Variants in SEMA3D observed in about 807,000 individuals in gnomAD.
SEMA3D encodes semaphorin 3D, also known as semaphorin-3D.
Under a neutral mutation model 100.1 loss-of-function variants are expected in SEMA3D, and 84 were observed. The observed-to-expected ratio is 0.84, with a 90% confidence interval of 0.70 to 1.01. The LOEUF (loss-of-function observed/expected upper bound fraction) is 1.01. Among genes scored for constraint, SEMA3D ranks in the 50% least tolerant of loss-of-function variants. The pLI, the probability that SEMA3D is intolerant of heterozygous loss-of-function variation, is 0.00. For missense variants in SEMA3D, 875 were observed against 934.1 expected, an observed-to-expected ratio of 0.94 and a Z score of 0.82; for synonymous variants, 312 against 320.7, an observed-to-expected ratio of 0.97 and a Z score of 0.29.
intron 1 of SEMA3D, among the ~76,000 whole-genome samples, chr7:85,164,911 T>A (rs928429179): frequency 6.6e-6 from 1 of 152,088 alleles, no homozygotes; most frequent in Non-Finnish European, 1.5e-5. Context: ...AGAGCTGTAA[T>A]TTAGGCAGAA....
In SEMA3D at chr7:85,020,214, A is replaced by C; in HGVS notation, c.1503+19T>G. 6.5e-7 allele frequency: 1 copy of C among 1,546,302 alleles called. No homozygotes were observed. The highest frequency in any genetic ancestry group is 1.1e-5 in the South Asian group (1 of 89,588). On this transcript the variant is annotated intron_variant, in intron 14 of 18. Coordinates refer to ENST00000284136, the MANE Select transcript of SEMA3D (RefSeq NM_001384900.1). ...CAGTTTCAACATCTTTTCTCCTGGC[A>C]CTCTGGACTGAGTCTTACCTTGAAT...
Position 84,996,164 on chromosome 7 carries a change from CTT to C in SEMA3D, c.*3274_*3275del, listed in dbSNP as rs1185009976. ...AGAAAATCAGTATTTAATGAATGCT[CTT>C]ATTATTTTTTGGACAGCTGAATGAT... On this transcript the variant is annotated 3_prime_UTR_variant, in exon 19 of 19. Coordinates refer to ENST00000284136, the MANE Select transcript of SEMA3D (RefSeq NM_001384900.1). 1 of 151,762 alleles carries C rather than the reference CTT, an allele frequency of 6.6e-6. No individual in the cohort carries two copies. The highest frequency in any genetic ancestry group is 2.4e-5 in the African/African-American group (1 of 41,346). The allele number at this position is 151,762 out of a possible 1,614,324, so 9.4% of individuals were successfully genotyped here.
chr7:85,034,895 T>C (rs906824972), intron 12 of SEMA3D, among the ~76,000 whole-genome samples: 1 of 152,108 alleles, frequency 6.6e-6, no homozygotes, highest in Non-Finnish European at 1.5e-5. Flanking sequence ...ACTGCCACTA[T>C]GGAAAACAGT....
chr7:85,097,153 C>T (rs1285870207), intron 4 of SEMA3D, among the ~76,000 whole-genome samples: 1 of 151,772 alleles, frequency 6.6e-6, no homozygotes, highest in East Asian at 1.9e-4. Flanking sequence ...GCACCCTTTC[C>T]TCCGGGTTTC....
chr7:85,167,057 G>A (rs1406838168), intron 1 of SEMA3D, among the ~76,000 whole-genome samples: 1 of 151,872 alleles, frequency 6.6e-6, no homozygotes, highest in Non-Finnish European at 1.5e-5. Flanking sequence ...ATTGGCCTTA[G>A]AGAAATATCC....
At chr7:85,158,197 G>A (rs1471185498) in intron 1 of SEMA3D, among the ~76,000 whole-genome samples, 8 of 152,210 alleles carry the variant, frequency 5.3e-5, no homozygotes. Context: ...GAACAAGAGA[G>A]ATAACCTTAA....
intron 2 of SEMA3D, among the ~76,000 whole-genome samples, chr7:85,136,651 A>G (rs1259108301): frequency 6.6e-6 from 1 of 152,156 alleles, no homozygotes; most frequent in Non-Finnish European, 1.5e-5. Flanking sequence ...TATGCATTGA[A>G]AGGCATATTA....
In SEMA3D at chr7:85,186,821, G is replaced by C. The variant is rs926373382; in HGVS notation, c.-316C>G. On this transcript the variant is annotated 5_prime_UTR_variant, in exon 1 of 19. Coordinates refer to ENST00000284136, the MANE Select transcript of SEMA3D (RefSeq NM_001384900.1). ...GAGCCGCAGCCCTGGCTGAGCAAGC[G>C]GAGCCGCCGGCAGCCCTGGCAGAGC... 9.9e-5 allele frequency: 15 copies of C among 152,190 alleles called. No individual in the cohort carries two copies. Among genetic ancestry groups the C allele is most frequent in the Non-Finnish European group, 1.9e-4 (13 of 68,094 alleles). The allele number at this position is 152,190 out of a possible 1,614,324, so 9.4% of individuals were successfully genotyped here.
At chr7:85,171,748 C>T (rs10235287) in intron 1 of SEMA3D, among the ~76,000 whole-genome samples, 4,624 of 151,698 alleles carry the variant, frequency 0.03, 78 homozygotes, top group Middle Eastern at 0.048. Flanking sequence ...ATTTATAATA[C>T]GTATTCACTA....
intron 2 of SEMA3D, among the ~76,000 whole-genome samples, chr7:85,136,047 G>A (rs1454120651): frequency 6.6e-6 from 1 of 152,064 alleles, no homozygotes; most frequent in Non-Finnish European, 1.5e-5. Context: ...GGATGAGAGA[G>A]CAATGTCTAA....
chr7:85,196,341 A>AAAACAAACAAACAAAC, the SEMA3D span, among the ~76,000 whole-genome samples: 2 of 151,918 alleles, frequency 1.3e-5, no homozygotes, highest in South Asian at 4.2e-4. Context: ...TATCATTTAG[A>AAAACAAACAAACAAAC]AAACAAACAA....
rs150880124 is a variant in SEMA3D, at chr7:85,132,903, A to T, written c.-40-10972T>A. Among the ~76,000 whole-genome samples the T allele has an allele frequency of 2.3e-3, 353 of 152,022 alleles. 3 individuals carry two copies. The highest frequency in any genetic ancestry group is 8.3e-3 in the African/African-American group (345 of 41,524). On this transcript the variant is annotated intron_variant, in intron 2 of 18. Coordinates refer to ENST00000284136, the MANE Select transcript of SEMA3D (RefSeq NM_001384900.1). ...CATTAATGCTGAATTCATCTCTTTT[A>T]CATTCTCTTAATACGTATAAGGGAG...
At chr7:85,071,988 G>C (rs1791786732) in intron 6 of SEMA3D, among the ~76,000 whole-genome samples, 1 of 152,162 alleles carries the variant, frequency 6.6e-6, no homozygotes, top group Non-Finnish European at 1.5e-5. Context: ...TTTGTTGCAA[G>C]ACCATTTATT....
At chr7:85,064,742 G>A (rs1355519515) in intron 8 of SEMA3D, among the ~76,000 whole-genome samples, 2 of 152,226 alleles carry the variant, frequency 1.3e-5, no homozygotes. Flanking sequence ...GTGGTGGGGA[G>A]TGGGGTGGAG....
chr7:85,182,098 A>G (rs1379199912), intron 1 of SEMA3D, among the ~76,000 whole-genome samples: 1 of 151,740 alleles, frequency 6.6e-6, no homozygotes, highest in Admixed American at 6.6e-5. Context: ...TCTTTTTTTT[A>G]GTTATTATTT....
intron 4 of SEMA3D, among the ~76,000 whole-genome samples, chr7:85,087,480 A>G (rs549007229): frequency 1.6e-4 from 25 of 152,194 alleles, no homozygotes; most frequent in Non-Finnish European, 3.2e-4. Flanking sequence ...GTGGATCCAG[A>G]AGAACCTAAG....
rs115357852 is a variant in SEMA3D at position 85,042,707 on chromosome 7, A to G, written c.862-422T>C. Among the ~76,000 whole-genome samples, 575 of 152,156 alleles carry G rather than the reference A, an allele frequency of 3.8e-3. 2 individuals are homozygous for G. Among genetic ancestry groups the G allele is most frequent in the African/African-American group, 0.013 (551 of 41,498 alleles). ...TGTTTTTCAGAGATGAAGTCTTTCT[A>G]TGTTGTCCAAGCTGGAGCGCAGTAA... On this transcript the variant is annotated intron_variant, in intron 9 of 18. Coordinates refer to ENST00000284136, the MANE Select transcript of SEMA3D (RefSeq NM_001384900.1).
the SEMA3D span, among the ~76,000 whole-genome samples, chr7:85,209,462 G>C: frequency 6.6e-6 from 1 of 151,948 alleles, no homozygotes; most frequent in African/African-American, 2.4e-5. Context: ...GGATGATGGG[G>C]AGGAAGAAGG....
the SEMA3D span, among the ~76,000 whole-genome samples, chr7:85,205,471 TTC>T: frequency 6.6e-6 from 1 of 152,158 alleles, no homozygotes; most frequent in African/African-American, 2.4e-5. Context: ...TTTAATTTTT[TTC>T]TGTTTCCCTT....
Sources: gnomAD v4.1 joint callset for allele counts (sites outside exome capture counted in the v4.1 genomes callset) on GRCh38, gnomAD v4.1.1 for gene constraint, MANE v1.5 for transcripts, NCBI Gene and HGNC (gene_info 2026-07-23, HGNC 2026-07-21) for gene names.